The following BRINP3 variants were observed in gnomAD, a reference collection of about 807,000 sequenced individuals.
BRINP3 encodes BMP/retinoic acid-inducible neural-specific protein 3.
BRINP3 carries 19 observed loss-of-function variants against 71.0 expected under a neutral mutation model. The observed-to-expected ratio is 0.27, with a 90% CI of 0.19 to 0.39. The LOEUF is 0.39. Ranked by LOEUF, BRINP3 falls within the 10% of genes least tolerant of loss-of-function variation. BRINP3 has a pLI of 1.00. For synonymous variants in BRINP3, 380 were observed against 337.7 expected, an observed-to-expected ratio of 1.13 and a Z score of -1.37; for missense variants, 959 against 940.8, an observed-to-expected ratio of 1.02 and a Z score of -0.25.
intron 7 of BRINP3, among the ~76,000 whole-genome samples, chr1:190,128,907 T>G (rs1401555040): frequency 6.6e-6 from 1 of 151,766 alleles, no homozygotes; most frequent in Non-Finnish European, 1.5e-5. Flanking sequence ...AAAAAAGATC[T>G]TTATACCAAT....
At chr1:190,265,630 C>T (rs545246853) in intron 3 of BRINP3, among the ~76,000 whole-genome samples, 5 of 150,938 alleles carry the variant, frequency 3.3e-5, no homozygotes, top group Admixed American at 6.6e-5. Context: ...AGAAGAATGG[C>T]GTGAACCCGG....
intron 2 of BRINP3, among the ~76,000 whole-genome samples, chr1:190,283,984 C>T (rs1425579706): frequency 6.6e-6 from 1 of 151,694 alleles, no homozygotes; most frequent in Non-Finnish European, 1.5e-5. Context: ...GATTAAGATA[C>T]AATCTAAGTG....
At chr1:190,336,449 T>C (rs1667289845) in intron 2 of BRINP3, among the ~76,000 whole-genome samples, 1 of 151,976 alleles carries the variant, frequency 6.6e-6, no homozygotes. Context: ...ATCAAAAGAA[T>C]TAAAATATCA....
In BRINP3 at chr1:190,155,609, A is replaced by G. The variant is rs111384043; in HGVS notation, c.1184+5059T>C. On this transcript the variant is annotated intron_variant, in intron 7 of 7. Coordinates refer to ENST00000367462, the MANE Select transcript of BRINP3 (RefSeq NM_199051.3). ...ATGATAGTTTTCAATAATTGCTGAC[A>G]TAATTTGGCTCTGTTCCCCTACTCA... Among the ~76,000 whole-genome samples, 538 of 152,054 alleles carry G rather than the reference A, an allele frequency of 3.5e-3. 3 individuals are homozygous for G. Among genetic ancestry groups the G allele is most frequent in the African/African-American group, 0.012 (510 of 41,410 alleles).
At chr1:190,199,216 C>A (rs1654771218) in intron 6 of BRINP3, among the ~76,000 whole-genome samples, 1 of 152,172 alleles carries the variant, frequency 6.6e-6, no homozygotes, top group Non-Finnish European at 1.5e-5. Context: ...GGGTCCCTCC[C>A]ATGACTTGTG....
intron 2 of BRINP3, among the ~76,000 whole-genome samples, chr1:190,414,818 T>A (rs1672909279): frequency 6.6e-6 from 1 of 152,128 alleles, no homozygotes; most frequent in South Asian, 2.1e-4. Flanking sequence ...AACTAACAAC[T>A]AAAGATAGCT....
intron 2 of BRINP3, among the ~76,000 whole-genome samples, chr1:190,344,414 T>A (rs975194470): frequency 6.6e-6 from 1 of 151,826 alleles, no homozygotes; most frequent in Non-Finnish European, 1.5e-5. Flanking sequence ...ACTTCAACTA[T>A]GATTGCTGAA....
At chr1:190,388,179 T>A (rs1374649607) in intron 2 of BRINP3, among the ~76,000 whole-genome samples, 1 of 151,782 alleles carries the variant, frequency 6.6e-6, no homozygotes, top group African/African-American at 2.4e-5. Context: ...TAAAACTGAA[T>A]GGAAATTATG....
At chr1:190,402,312 A>T (rs1671980160) in intron 2 of BRINP3, among the ~76,000 whole-genome samples, 2 of 152,178 alleles carry the variant, frequency 1.3e-5, no homozygotes, top group African/African-American at 2.4e-5. Context: ...GACATCTTCA[A>T]AATTATAGAA....
chr1:190,300,741 C>A (rs1415479227), intron 2 of BRINP3, among the ~76,000 whole-genome samples: 1 of 151,938 alleles, frequency 6.6e-6, no homozygotes, highest in Non-Finnish European at 1.5e-5. Context: ...GAAAACTAAC[C>A]AGCAGAAAGG....
At chr1:190,115,555 A>T (rs990280421) in intron 7 of BRINP3, among the ~76,000 whole-genome samples, 4 of 152,208 alleles carry the variant, frequency 2.6e-5, no homozygotes, top group Non-Finnish European at 5.9e-5. Context: ...TCTTTAAAAA[A>T]TGTGAAAAAG....
chr1:190,215,080 C>A, intron 6 of BRINP3, among the ~76,000 whole-genome samples: 1 of 142,144 alleles, frequency 7.0e-6, no homozygotes. Context: ...AATAGCAATC[C>A]ATGTAGCTAT....
intron 7 of BRINP3, among the ~76,000 whole-genome samples, chr1:190,118,742 A>G (rs1175325291): frequency 6.6e-6 from 1 of 152,238 alleles, no homozygotes; most frequent in Non-Finnish European, 1.5e-5. Context: ...TATTTCCTTC[A>G]GGCAATTAAA....
rs1236881082 is a variant in BRINP3, at chr1:190,405,486, AAAAAAAC to A, written c.236+49162_236+49168del. On this transcript the variant is annotated intron_variant, in intron 2 of 7. Coordinates refer to ENST00000367462, the MANE Select transcript of BRINP3 (RefSeq NM_199051.3). ...AAAAAAAAAAAAAAAAAAAAAAAAAAAAAAAACCAGAATCAGAAGCGTGACATATCAT... is the reference window on the plus strand; with the variant it reads ...AAAAAAAAAAAAAAAAAAAAAAAAAACAGAATCAGAAGCGTGACATATCAT... Among the ~76,000 whole-genome samples the A allele has an allele frequency of 4.8e-3, 326 of 67,546 alleles. 27 individuals are homozygous for A. Among genetic ancestry groups the A allele is most frequent in the Admixed American group, 6.7e-3 (44 of 6,574 alleles). The allele number at this position is 67,546 out of a possible 152,430, so 44.3% of individuals were successfully genotyped here. A position where few individuals can be genotyped will look rare whatever the true frequency, so the allele number is the denominator to read the frequency against.
At chr1:190,213,418 A>G (rs1378831549) in intron 6 of BRINP3, among the ~76,000 whole-genome samples, 1 of 152,074 alleles carries the variant, frequency 6.6e-6, no homozygotes, top group Non-Finnish European at 1.5e-5. Flanking sequence ...TACCTATATT[A>G]CTTGTCTGAC....
intron 7 of BRINP3, among the ~76,000 whole-genome samples, chr1:190,144,937 T>A (rs1203488913): frequency 6.6e-6 from 1 of 152,208 alleles, no homozygotes; most frequent in Non-Finnish European, 1.5e-5. Context: ...TACTGCATTC[T>A]CACCTTCTTC....
intron 7 of BRINP3, among the ~76,000 whole-genome samples, chr1:190,141,881 A>C (rs1655482579): frequency 6.6e-6 from 1 of 152,032 alleles, no homozygotes; most frequent in South Asian, 2.1e-4. Flanking sequence ...TTTTTCCTAT[A>C]TGTAAAATAA....
intron 4 of BRINP3, among the ~76,000 whole-genome samples, chr1:190,248,726 A>G (rs1278701343): frequency 6.6e-6 from 1 of 151,664 alleles, no homozygotes; most frequent in African/African-American, 2.4e-5. Flanking sequence ...TTTGAACTCT[A>G]TGACTATATT....
intron 2 of BRINP3, among the ~76,000 whole-genome samples, chr1:190,452,358 T>C (rs1675668917): frequency 6.6e-6 from 1 of 152,184 alleles, no homozygotes; most frequent in African/African-American, 2.4e-5. Context: ...GGATTTAATA[T>C]CTTTACATGT....
Sources: gnomAD v4.1 joint callset for allele counts (sites outside exome capture counted in the v4.1 genomes callset) on GRCh38, gnomAD v4.1.1 for gene constraint, MANE v1.5 for transcripts, NCBI Gene and HGNC (gene_info 2026-07-23, HGNC 2026-07-21) for gene names.